Variants in IGSF23 observed in about 807,000 individuals in gnomAD.
The protein encoded by IGSF23 is immunoglobulin superfamily, member 23.
In IGSF23, 14 loss-of-function variants were observed where a neutral mutation model predicts 17.8. The ratio of observed to expected loss-of-function variants is 0.79; its 90% CI spans 0.52 to 1.23. The LOEUF is 1.23. Ranked by LOEUF, IGSF23 falls within the 50% of genes most tolerant of loss-of-function variation. The pLI is 0.00. For synonymous variants in IGSF23, 85 were observed against 92.5 expected (o/e 0.92, Z 0.46); for missense variants, 214 against 241.7 (o/e 0.89, Z 0.76).
At chr19:44,627,609 A>G in intron 3 of IGSF23, 36 bp downstream of exon 3, 1 of 1,528,446 alleles carries the variant, frequency 6.5e-7, no homozygotes. Context: ...ACTGGGCAAC[A>G]TCCACTCAGC....
intron 4 of IGSF23, among the ~76,000 whole-genome samples, chr19:44,635,852 A>G (rs1972878305): frequency 6.6e-6 from 1 of 152,216 alleles, no homozygotes; most frequent in Non-Finnish European, 1.5e-5. Flanking sequence ...CCTCCCCAAA[A>G]TTCACTGGCT....
intron 1 of IGSF23, among the ~76,000 whole-genome samples, chr19:44,615,675 C>A (rs1972357307): frequency 6.6e-6 from 1 of 150,948 alleles, no homozygotes; most frequent in Non-Finnish European, 1.5e-5. Context: ...ACCTCAAAGT[C>A]CACCTAGTTC....
chr19:44,624,744 T>A (rs1972603700), intron 2 of IGSF23, among the ~76,000 whole-genome samples: 1 of 151,742 alleles, frequency 6.6e-6, no homozygotes, highest in African/African-American at 2.4e-5. Flanking sequence ...TCTCAGCACA[T>A]ACCTACAAAA....
chr19:44,616,799 G>A (rs1361745415), intron 1 of IGSF23, among the ~76,000 whole-genome samples: 1 of 145,878 alleles, frequency 6.9e-6, no homozygotes, highest in Non-Finnish European at 1.5e-5. Context: ...ATTTCTAGGA[G>A]TCTAAGTTTT....
At chr19:44,619,496 C>T (rs1196562962) in intron 1 of IGSF23, among the ~76,000 whole-genome samples, 1 of 152,170 alleles carries the variant, frequency 6.6e-6, no homozygotes, top group Non-Finnish European at 1.5e-5. Flanking sequence ...TGAGAGTAAC[C>T]AGACCCATCC....
chr19:44,617,222 TAA>T (rs56267275), intron 1 of IGSF23, among the ~76,000 whole-genome samples: 31 of 115,080 alleles, frequency 2.7e-4, no homozygotes, highest in African/African-American at 2.3e-4. Flanking sequence ...ACTCTTATAT[TAA>T]AAAAAAAAAA....
chr19:44,617,415 T>G (rs963457521), intron 1 of IGSF23, among the ~76,000 whole-genome samples: 1 of 152,124 alleles, frequency 6.6e-6, no homozygotes, highest in African/African-American at 2.4e-5. Flanking sequence ...GAAAGTAGAT[T>G]TTATGTGTTC....
Position 44,624,327 on chromosome 19 carries a change from C to T in IGSF23, c.391+355C>T, listed in dbSNP as rs536988583. On this transcript the variant is annotated intron_variant, in intron 2 of 4. Transcript: ENST00000402988. Reference sequence around the variant, plus strand: ...TTTGATAGAGTCTTGCTCGGTCACCCAGGCTGGAGTACAGTGCTGTGATCT... The same window carrying T: ...TTTGATAGAGTCTTGCTCGGTCACCTAGGCTGGAGTACAGTGCTGTGATCT... Among the ~76,000 whole-genome samples, 7 of 150,132 alleles carry T rather than the reference C, an allele frequency of 4.7e-5. 1 individual carries two copies. Among genetic ancestry groups the T allele is most frequent in the Admixed American group, 1.3e-4 (2 of 15,058 alleles).
Position 44,627,456 on chromosome 19 carries a change from A to G in IGSF23, c.428A>G (p.Glu143Gly). ...IMQPTEAEPM[E>G]PDPTLSLSGG... is the part of the protein sequence containing the mutation. ...CAGCCCACAGAAGCAGAGCCCATGG[A>G]GCCAGACCCCACTCTGTCCCTGTCA... Residue 143 changes from glutamate (E) to glycine (G), a missense_variant, in exon 3 of 5, where the codon GAG becomes GGG. Transcript: ENST00000402988. 2 of 1,550,104 alleles carry G rather than the reference A, an allele frequency of 1.3e-6. No individual in the cohort carries two copies.
chr19:44,620,413 CTGGAG>C (rs1038258871), intron 1 of IGSF23, among the ~76,000 whole-genome samples: 7 of 150,668 alleles, frequency 4.6e-5, no homozygotes, highest in African/African-American at 1.7e-4. Flanking sequence ...GTCGCCCAGG[CTGGAG>C]TGAAGTGGTG....
At chr19:44,617,847 C>T (rs80219936) in intron 1 of IGSF23, among the ~76,000 whole-genome samples, 4,515 of 152,232 alleles carry the variant, frequency 0.03, 83 homozygotes, top group Non-Finnish European at 0.043. Flanking sequence ...CTTACTCCCC[C>T]GCTGCCCTCT....
At chr19:44,613,847 C>T (rs140929931) in intron 1 of IGSF23, 77 bp downstream of exon 1, 33,370 of 1,546,380 alleles carry the variant, frequency 0.022, 445 homozygotes, top group Non-Finnish European at 0.027. Flanking sequence ...GCCGGGGCTG[C>T]AGACGCGACT....
intron 2 of IGSF23, among the ~76,000 whole-genome samples, chr19:44,626,011 T>C (rs184926367): frequency 0.028 from 4,282 of 152,220 alleles, 74 homozygotes; most frequent in Middle Eastern, 0.044. Flanking sequence ...TAAACCTCCT[T>C]TTTTTTAATA....
chr19:44,615,911 C>CGGG (rs11423421), intron 1 of IGSF23, among the ~76,000 whole-genome samples: 1 of 77,546 alleles, frequency 1.3e-5, no homozygotes, highest in Non-Finnish European at 2.6e-5. Context: ...TTCCTGGGGG[C>CGGG]GGGAGGGTGG....
intron 3 of IGSF23, among the ~76,000 whole-genome samples, chr19:44,634,787 C>T (rs1219303410): frequency 6.8e-6 from 1 of 147,694 alleles, no homozygotes; most frequent in Non-Finnish European, 1.5e-5. Flanking sequence ...GGCAACAGAA[C>T]CAGACTGTCT....
intron 1 of IGSF23, among the ~76,000 whole-genome samples, chr19:44,614,284 TCCA>T (rs1207760277): frequency 6.6e-6 from 1 of 151,128 alleles, no homozygotes. Flanking sequence ...CCAGCCCCCT[TCCA>T]CCAGAATGCC....
intron 2 of IGSF23, among the ~76,000 whole-genome samples, chr19:44,626,910 G>A (rs1972661150): frequency 7.2e-6 from 1 of 139,802 alleles, no homozygotes; most frequent in Non-Finnish European, 1.5e-5. Context: ...GACAGAGGGA[G>A]ACTCTGTCTC....
chr19:44,628,652 T>G (rs1972705926), intron 3 of IGSF23, among the ~76,000 whole-genome samples: 1 of 152,022 alleles, frequency 6.6e-6, no homozygotes, highest in South Asian at 2.1e-4. Flanking sequence ...CTCAGGAGGC[T>G]GAGATGGGAG....
chr19:44,635,405 GAC>G lies in IGSF23; in HGVS notation c.552_553del (p.Asp184GlufsTer37). The G allele has an allele frequency of 6.5e-7, 1 of 1,546,304 alleles. No homozygotes were observed. On this transcript the variant is annotated frameshift_variant, in exon 4 of 5. Coordinates refer to ENST00000402988, the MANE Select transcript of IGSF23 (RefSeq NM_001205280.2). LOFTEE classifies it high-confidence loss of function. The stretch of plus-strand genomic sequence containing the variant: ...CTCTCTCTCTCTCCACTGCAGGACT[GAC>G]AGGCAGAGAATAGGAATATGCAGCT... The part of the protein sequence containing the change: ...CFIIIQSLRT[D>X]RQRIGICS
Sources: allele counts gnomAD v4.1 joint callset (sites outside exome capture counted in the v4.1 genomes callset), GRCh38; gene constraint gnomAD v4.1.1; transcripts MANE v1.5; gene names NCBI Gene and HGNC (gene_info 2026-07-23, HGNC 2026-07-21).